Variants in CLEC16A observed in about 807,000 individuals in gnomAD.
The protein encoded by CLEC16A is C-type lectin domain containing 16A.
CLEC16A carries 51 observed loss-of-function variants against 109.5 expected under a neutral mutation model. That is an observed-to-expected ratio of 0.47 (90% CI 0.37 to 0.59). CLEC16A has a LOEUF of 0.59. CLEC16A is among the 20% of genes least tolerant of loss of function. The probability of loss-of-function intolerance (pLI) is 0.00; values close to 1 mark genes in which losing one functional copy is unlikely to be tolerated. For missense variants in CLEC16A, 1,339 were observed against 1,394.0 expected, an observed-to-expected ratio of 0.96 and a Z score of 0.63; for synonymous variants, 673 against 564.2, an observed-to-expected ratio of 1.19 and a Z score of -2.73.
At chr16:11,026,189 T>C (rs9937953) in intron 13 of CLEC16A, among the ~76,000 whole-genome samples, 1,614 of 152,358 alleles carry the variant, frequency 0.011, 24 homozygotes, top group African/African-American at 0.036. Flanking sequence ...CCTAATAGAA[T>C]GAATTGAGAA....
chr16:10,982,984 G>A lies in CLEC16A; in HGVS notation c.1064G>A (p.Arg355Lys). ...GCTAAGACTGAACAGGATATTCAGA[G>A]AAGTTCTGTAAGTCATTAGCTTCGG... is the stretch of plus-strand genomic sequence containing the variant. ...MYAKTEQDIQ[R>K]SSAKPSIRCF... Residue 355 changes from arginine (R) to lysine (K), a missense_variant, in exon 10 of 24, where the codon AGA becomes AAA. Transcript: ENST00000409790. The A allele has an allele frequency of 6.3e-7, 1 of 1,587,200 alleles. No homozygotes were observed. The highest frequency in any genetic ancestry group is 8.7e-7 in the Non-Finnish European group (1 of 1,155,740).
intron 19 of CLEC16A, among the ~76,000 whole-genome samples, chr16:11,117,364 T>C (rs2052073272): frequency 6.6e-6 from 1 of 152,254 alleles, no homozygotes; most frequent in African/African-American, 2.4e-5. Flanking sequence ...ACCTACCCTC[T>C]TCTAATCAGA....
chr16:11,091,109 C>G (rs2050280510), intron 19 of CLEC16A, among the ~76,000 whole-genome samples: 1 of 152,180 alleles, frequency 6.6e-6, no homozygotes, highest in Non-Finnish European at 1.5e-5. Context: ...CAGGATTTTG[C>G]CTTTAAAGCG....
rs188239945 is a variant in CLEC16A, at chr16:11,165,762, G to A, written c.2642-626G>A. 4.6e-5 allele frequency among the ~76,000 whole-genome samples: 7 copies of A among 152,264 alleles called. No individual in the cohort carries two copies. The East Asian group carries it at 7.7e-4, about 17-fold the overall frequency. ...CGCTGGGTCAGTTTACCGCAGAAAC[G>A]TGTGGGCAGACTCCACCTCCAGGTC... is the stretch of plus-strand genomic sequence containing the variant. On this transcript the variant is annotated intron_variant, in intron 22 of 23. Transcript: ENST00000409790.
At chr16:11,139,652 T>A (rs1341207176) in intron 22 of CLEC16A, among the ~76,000 whole-genome samples, 1 of 152,204 alleles carries the variant, frequency 6.6e-6, no homozygotes, top group Non-Finnish European at 1.5e-5. Context: ...TGCTGTGAGC[T>A]CAGTCCTTGA....
At chr16:10,968,802 A>G (rs1035785049) in intron 3 of CLEC16A, among the ~76,000 whole-genome samples, 48 of 152,146 alleles carry the variant, frequency 3.2e-4, no homozygotes, top group Admixed American at 2.9e-3. Context: ...GCAGCTTTTT[A>G]CCCTCATTCA....
chr16:10,972,806 A>G, intron 6 of CLEC16A, 132 bp from the exon 7 acceptor site: 1 of 988,774 alleles, frequency 1.0e-6, no homozygotes, highest in South Asian at 1.8e-5. Context: ...GGAAAGACAG[A>G]CAATTTCAGA....
At position 10,962,530 on chromosome 16, in the gene CLEC16A, T is replaced by C; in HGVS notation, c.285T>C (p.Val95=). ...AAAAGTCGGGCCGTTACGTGTGCGT[T>C]CAGCTGCTGCAGACCTTGAACATCC... ...LRQKSGRYVC[V]QLLQTLNILF... is the part of the protein sequence containing the mutation. Residue 95 remains valine (V), a synonymous_variant, in exon 3 of 24, where the codon GTT becomes GTC. Coordinates refer to ENST00000409790, the MANE Select transcript of CLEC16A (RefSeq NM_015226.3). The C allele has an allele frequency of 2.5e-6, 4 of 1,613,988 alleles. No individual in the cohort carries two copies. Among genetic ancestry groups the C allele is most frequent in the Non-Finnish European group, 3.4e-6 (4 of 1,179,886 alleles).
intron 9 of CLEC16A, 123 bp from the exon 10 acceptor site, chr16:10,982,755 C>T (rs142630122): frequency 5.3e-5 from 32 of 605,764 alleles, no homozygotes; most frequent in East Asian, 3.2e-4. Context: ...AATTTTGCAT[C>T]GTAGGAATTG....
chr16:11,015,080 C>T (rs1390419037), intron 11 of CLEC16A, among the ~76,000 whole-genome samples: 1 of 152,178 alleles, frequency 6.6e-6, no homozygotes, highest in Non-Finnish European at 1.5e-5. Flanking sequence ...AGGGTTGTTT[C>T]AGTACCTATA....
intron 11 of CLEC16A, among the ~76,000 whole-genome samples, chr16:11,012,553 C>G (rs1377265957): frequency 7.1e-6 from 1 of 141,254 alleles, no homozygotes; most frequent in African/African-American, 2.7e-5. Context: ...CGAGATCACG[C>G]CACTGCACTC....
At chr16:11,079,052 C>T (rs1174858104) in intron 19 of CLEC16A, among the ~76,000 whole-genome samples, 3 of 152,142 alleles carry the variant, frequency 2.0e-5, no homozygotes, top group Non-Finnish European at 4.4e-5. Flanking sequence ...CCTGGATGCT[C>T]CCCAGCCCTG....
chr16:11,115,619 C>T (rs1025398998), intron 19 of CLEC16A, among the ~76,000 whole-genome samples: 1 of 152,202 alleles, frequency 6.6e-6, no homozygotes, highest in African/African-American at 2.4e-5. Flanking sequence ...GCGATCCACC[C>T]ATCTCAGTCT....
chr16:11,177,722 G>A (rs906326604), intron 23 of CLEC16A, among the ~76,000 whole-genome samples: 3 of 152,152 alleles, frequency 2.0e-5, no homozygotes, highest in Non-Finnish European at 4.4e-5. Context: ...GGGAAGCTCG[G>A]GACAATAATG....
chr16:11,176,419 C>A (rs1261260685), intron 23 of CLEC16A, among the ~76,000 whole-genome samples: 1 of 152,070 alleles, frequency 6.6e-6, no homozygotes, highest in African/African-American at 2.4e-5. Context: ...CTCTCTCTCT[C>A]TTTTAAAAAA....
chr16:10,973,526 G>C (rs2042892847), intron 7 of CLEC16A, among the ~76,000 whole-genome samples: 1 of 152,152 alleles, frequency 6.6e-6, no homozygotes, highest in Non-Finnish European at 1.5e-5. Flanking sequence ...CTAGGGCTAG[G>C]ATGTTGTGTG....
chr16:11,008,384 GAC>G (rs999221693), intron 11 of CLEC16A, among the ~76,000 whole-genome samples: 68 of 152,162 alleles, frequency 4.5e-4, no homozygotes, highest in African/African-American at 1.5e-3. Context: ...GATTCGAATG[GAC>G]ATCAGCCCGG....
intron 9 of CLEC16A, among the ~76,000 whole-genome samples, chr16:10,982,223 G>T (rs891301661): frequency 2.6e-5 from 4 of 152,158 alleles, no homozygotes; most frequent in African/African-American, 7.2e-5. Context: ...TGGGCAACAG[G>T]TGTGGGAGCA....
intron 8 of CLEC16A, 30 bp from the exon 9 acceptor site, chr16:10,979,299 C>G (rs2043189770): frequency 1.9e-6 from 3 of 1,589,994 alleles, no homozygotes; most frequent in South Asian, 2.2e-5. Flanking sequence ...GACCTGATCT[C>G]TCTCTCTCTC....
Sources: gnomAD v4.1 joint callset for allele counts (sites outside exome capture counted in the v4.1 genomes callset) on GRCh38, gnomAD v4.1.1 for gene constraint, MANE v1.5 for transcripts, NCBI Gene and HGNC (gene_info 2026-07-23, HGNC 2026-07-21) for gene names.